Variants in DPP10 observed in about 807,000 individuals in gnomAD.
DPP10 encodes the protein dipeptidyl peptidase like 10.
In DPP10, 33 loss-of-function variants were observed where a neutral mutation model predicts 120.9. The ratio of observed to expected loss-of-function variants is 0.27; its 90% confidence interval spans 0.21 to 0.37. The LOEUF (loss-of-function observed/expected upper bound fraction) is 0.37, where lower values mean the gene tolerates loss of function less well. DPP10 is among the 10% of genes least tolerant of loss of function. The pLI is 1.00. For synonymous variants in DPP10, 337 were observed against 326.1 expected, an observed-to-expected ratio of 1.03 and a Z score of -0.36; for missense variants, 816 against 942.8, an observed-to-expected ratio of 0.87 and a Z score of 1.76.
chr2:115,634,453 G>A (rs973689730), intron 5 of DPP10, among the ~76,000 whole-genome samples: 14 of 152,030 alleles, frequency 9.2e-5, no homozygotes, highest in African/African-American at 2.7e-4. Context: ...TCTTTTAAGA[G>A]TCAGGCTCTT....
At chr2:114,527,045 C>T (rs1341542495) in intron 1 of DPP10, among the ~76,000 whole-genome samples, 2 of 152,172 alleles carry the variant, frequency 1.3e-5, no homozygotes, top group South Asian at 2.1e-4. Context: ...AATTTACACT[C>T]CCTTTTCCTT....
chr2:115,419,934 A>G (rs1208368479), intron 3 of DPP10, among the ~76,000 whole-genome samples: 1 of 152,194 alleles, frequency 6.6e-6, no homozygotes, highest in African/African-American at 2.4e-5. Flanking sequence ...GTGGTTCTGG[A>G]ACTTTCCCCT....
At chr2:115,790,860 A>T (rs1683894537) in intron 17 of DPP10, among the ~76,000 whole-genome samples, 1 of 152,182 alleles carries the variant, frequency 6.6e-6, no homozygotes, top group Non-Finnish European at 1.5e-5. Context: ...TTGCATTTTG[A>T]AAACGTAAAT....
chr2:115,733,351 G>A (rs185442124), intron 8 of DPP10, among the ~76,000 whole-genome samples: 43 of 152,268 alleles, frequency 2.8e-4, no homozygotes, highest in East Asian at 1.9e-3. Flanking sequence ...TGCAGCATGG[G>A]AGTCACAGGA....
At chr2:115,174,446 TA>T (rs2053565821) in intron 1 of DPP10, among the ~76,000 whole-genome samples, 1 of 152,314 alleles carries the variant, frequency 6.6e-6, no homozygotes, top group Non-Finnish European at 1.5e-5. Context: ...CAAAATTAAA[TA>T]CAAAACTGGT....
chr2:115,147,316 A>G (rs1162392485), intron 1 of DPP10, among the ~76,000 whole-genome samples: 2 of 152,086 alleles, frequency 1.3e-5, no homozygotes, highest in Admixed American at 6.6e-5. Flanking sequence ...ATTAATTAAA[A>G]TAAACAGACA....
At chr2:115,515,165 C>T (rs986293157) in intron 4 of DPP10, among the ~76,000 whole-genome samples, 7 of 151,894 alleles carry the variant, frequency 4.6e-5, no homozygotes, top group African/African-American at 1.2e-4. Context: ...TTTTCTATTA[C>T]ATTACTGCTC....
At chr2:115,452,347 G>A (rs2073174259) in intron 3 of DPP10, among the ~76,000 whole-genome samples, 1 of 151,850 alleles carries the variant, frequency 6.6e-6, no homozygotes, top group Non-Finnish European at 1.5e-5. Flanking sequence ...TAGGCCTTCA[G>A]TTTAAACAAA....
chr2:115,635,530 AGTCCCATT>A (rs2086256057), intron 5 of DPP10, among the ~76,000 whole-genome samples: 1 of 152,200 alleles, frequency 6.6e-6, no homozygotes, highest in South Asian at 2.1e-4. Flanking sequence ...CCACCTACTC[AGTCCCATT>A]AAGAAGACCT....
chr2:115,180,712 A>G (rs532412964), intron 1 of DPP10, among the ~76,000 whole-genome samples: 2 of 152,336 alleles, frequency 1.3e-5, no homozygotes, highest in Admixed American at 1.3e-4. Context: ...CTCACTAGAA[A>G]TGTACATATG....
chr2:114,633,297 G>T (rs1695083153), intron 1 of DPP10, among the ~76,000 whole-genome samples: 1 of 127,902 alleles, frequency 7.8e-6, no homozygotes, highest in South Asian at 2.4e-4. Context: ...TATCACCCAG[G>T]CTGGAGTGCA....
At chr2:115,179,998 A>T (rs2053969452) in intron 1 of DPP10, among the ~76,000 whole-genome samples, 1 of 152,012 alleles carries the variant, frequency 6.6e-6, no homozygotes, top group African/African-American at 2.4e-5. Flanking sequence ...TCTCTGAAAA[A>T]TTTTAAAGAA....
At chr2:115,235,127 T>C (rs2057931344) in intron 1 of DPP10, among the ~76,000 whole-genome samples, 1 of 152,204 alleles carries the variant, frequency 6.6e-6, no homozygotes, top group South Asian at 2.1e-4. Context: ...ACCTCTTAAA[T>C]ATCCAAAGGG....
intron 3 of DPP10, among the ~76,000 whole-genome samples, chr2:115,492,223 C>T (rs570712458): frequency 6.6e-6 from 1 of 152,184 alleles, no homozygotes; most frequent in African/African-American, 2.4e-5. Flanking sequence ...ACCAAAAATT[C>T]CACCAAAATA....
At chr2:114,630,186 A>C (rs1212243318) in intron 1 of DPP10, among the ~76,000 whole-genome samples, 4 of 152,202 alleles carry the variant, frequency 2.6e-5, no homozygotes, top group African/African-American at 9.6e-5. Flanking sequence ...AAAAGAACAC[A>C]TTATTAAATT....
At chr2:115,330,382 GT>G (rs2062644978) in intron 2 of DPP10, among the ~76,000 whole-genome samples, 1 of 150,946 alleles carries the variant, frequency 6.6e-6, no homozygotes, top group Non-Finnish European at 1.5e-5. Context: ...CATTCTGTAG[GT>G]TGCCTGTTCA....
At chr2:115,214,295 G>C (rs1426499711) in intron 1 of DPP10, among the ~76,000 whole-genome samples, 1 of 152,176 alleles carries the variant, frequency 6.6e-6, no homozygotes, top group Non-Finnish European at 1.5e-5. Context: ...TTGATGAAAA[G>C]CTTTATTATT....
At chr2:114,460,805 TTA>T (rs1397291760) in intron 1 of DPP10, among the ~76,000 whole-genome samples, 1 of 152,188 alleles carries the variant, frequency 6.6e-6, no homozygotes, top group African/African-American at 2.4e-5. Flanking sequence ...AAATTAGAGA[TTA>T]TGTTTTTCTC....
At chr2:114,672,408 G>A (rs1698405102) in intron 1 of DPP10, among the ~76,000 whole-genome samples, 1 of 152,104 alleles carries the variant, frequency 6.6e-6, no homozygotes, top group Non-Finnish European at 1.5e-5. Context: ...AAGTGTTTGG[G>A]CAATAAATTA....
Sources: gnomAD v4.1 joint callset for allele counts (sites outside exome capture counted in the v4.1 genomes callset) on GRCh38, gnomAD v4.1.1 for gene constraint, MANE v1.5 for transcripts, NCBI Gene and HGNC (gene_info 2026-07-23, HGNC 2026-07-21) for gene names.